The following GMDS variants were observed in gnomAD, a reference collection of about 807,000 sequenced individuals.
GMDS encodes GDP-mannose 4,6-dehydratase.
Under a neutral mutation model 49.9 loss-of-function variants are expected in GMDS, and 20 were observed. The ratio of observed to expected loss-of-function variants is 0.40; its 90% confidence interval spans 0.28 to 0.58. The LOEUF is 0.58. Ranked by LOEUF, GMDS falls within the 20% of genes least tolerant of loss-of-function variation. GMDS has a pLI of 0.42. For missense variants in GMDS, 362 were observed against 481.4 expected, an observed-to-expected ratio of 0.75 and a Z score of 2.32; for synonymous variants, 177 against 178.6, an observed-to-expected ratio of 0.99 and a Z score of 0.07.
chr6:1,860,050 A>G (rs1419135733), intron 7 of GMDS, among the ~76,000 whole-genome samples: 2 of 152,244 alleles, frequency 1.3e-5, no homozygotes, highest in East Asian at 1.9e-4. Context: ...ATTGTAGTGA[A>G]TAAGATAAAC....
intron 7 of GMDS, among the ~76,000 whole-genome samples, chr6:1,782,003 G>A (rs1373152787): frequency 6.6e-6 from 1 of 152,118 alleles, no homozygotes; most frequent in Admixed American, 6.5e-5. Flanking sequence ...ACAGCAACAG[G>A]CTGTTGTGCT....
chr6:1,634,762 A>G (rs1322550892), intron 9 of GMDS, among the ~76,000 whole-genome samples: 1 of 152,164 alleles, frequency 6.6e-6, no homozygotes, highest in Admixed American at 6.5e-5. Context: ...GGGAGAGACC[A>G]GCTAAGAGAC....
intron 1 of GMDS, among the ~76,000 whole-genome samples, chr6:2,135,070 C>T (rs552389971): frequency 6.6e-6 from 1 of 152,102 alleles, no homozygotes; most frequent in Non-Finnish European, 1.5e-5. Flanking sequence ...GAATATGAAA[C>T]CAATTTGTTT....
chr6:1,782,782 T>C (rs982856954), intron 7 of GMDS, among the ~76,000 whole-genome samples: 1 of 152,240 alleles, frequency 6.6e-6, no homozygotes, highest in Non-Finnish European at 1.5e-5. Context: ...GGCCAGGCAC[T>C]ACCCCATACT....
intron 7 of GMDS, among the ~76,000 whole-genome samples, chr6:1,878,112 G>C (rs532094342): frequency 3.3e-5 from 5 of 152,150 alleles, no homozygotes; most frequent in Admixed American, 6.5e-5. Context: ...AGGAGATCGA[G>C]ACCATCCTGG....
At chr6:2,070,608 A>G (rs1343609067) in intron 4 of GMDS, among the ~76,000 whole-genome samples, 2 of 152,154 alleles carry the variant, frequency 1.3e-5, no homozygotes, top group Non-Finnish European at 2.9e-5. Flanking sequence ...GGCATTATCA[A>G]TACTAAGACC....
Position 1,690,561 on chromosome 6 carries a change from A to C in GMDS, c.987+35855T>G, listed in dbSNP as rs187343569. Among the ~76,000 whole-genome samples, 236 of 152,234 alleles carry C rather than the reference A, an allele frequency of 1.6e-3. 1 individual carries two copies. The highest frequency in any genetic ancestry group is 5.4e-3 in the African/African-American group (223 of 41,544). Reference sequence around the variant, plus strand: ...AGTCTTATTCCTGAGTCCCCATCAGAGTGAACAGACAACCTACGGAATGGG... The same window carrying C: ...AGTCTTATTCCTGAGTCCCCATCAGCGTGAACAGACAACCTACGGAATGGG... On this transcript the variant is annotated intron_variant, in intron 9 of 10. Transcript: ENST00000380815.
chr6:1,673,935 A>T (rs1764507517), intron 9 of GMDS, among the ~76,000 whole-genome samples: 1 of 98,616 alleles, frequency 1.0e-5, no homozygotes, highest in African/African-American at 3.4e-5. Context: ...GATCCATTAG[A>T]AGGATGTCTT....
intron 6 of GMDS, chr6:1,951,891 T>A (rs1296711756): frequency 1.0e-6 from 1 of 985,216 alleles, no homozygotes; most frequent in African/African-American, 1.7e-5. Context: ...TAAGAGCAGC[T>A]GAGACATTCC....
intron 4 of GMDS, among the ~76,000 whole-genome samples, chr6:1,970,342 C>T (rs919190747): frequency 6.6e-6 from 1 of 152,180 alleles, no homozygotes; most frequent in African/African-American, 2.4e-5. Flanking sequence ...CATCATGAAC[C>T]AGTTTTTCCC....
At chr6:2,217,249 G>C (rs1780384677) in intron 1 of GMDS, among the ~76,000 whole-genome samples, 1 of 151,962 alleles carries the variant, frequency 6.6e-6, no homozygotes, top group Non-Finnish European at 1.5e-5. Context: ...CTGCTTCCTG[G>C]CCTGCCCTGC....
rs1172592005 is a variant in GMDS at position 1,970,654 on chromosome 6, G to A, written c.346-9688C>T. The stretch of plus-strand genomic sequence containing the variant: ...AGAGGTTTGAAGAGGCTACAAAAGG[G>A]AGGCCACAGGGATTAAGAAAGGCAT... On this transcript the variant is annotated intron_variant, in intron 4 of 10. Transcript: ENST00000380815. Among the ~76,000 whole-genome samples, 3 of 152,200 alleles carry A rather than the reference G, an allele frequency of 2.0e-5. No homozygotes were observed. In the East Asian group the frequency reaches 5.8e-4, roughly 29 times the overall value.
intron 6 of GMDS, among the ~76,000 whole-genome samples, chr6:1,952,900 GGA>G (rs1763426522): frequency 6.6e-6 from 1 of 152,110 alleles, no homozygotes; most frequent in African/African-American, 2.4e-5. Context: ...AGGTATCCAG[GGA>G]TGAAGCCAAT....
intron 1 of GMDS, among the ~76,000 whole-genome samples, chr6:2,209,802 T>C (rs1779985633): frequency 6.6e-6 from 1 of 152,170 alleles, no homozygotes; most frequent in African/African-American, 2.4e-5. Context: ...TTTACCACAA[T>C]GTTTAATGCT....
At chr6:2,033,489 T>A (rs1769094761) in intron 4 of GMDS, among the ~76,000 whole-genome samples, 1 of 152,232 alleles carries the variant, frequency 6.6e-6, no homozygotes, top group Non-Finnish European at 1.5e-5. Flanking sequence ...CTTCACTTTA[T>A]CACTGAACCA....
At position 1,783,198 on chromosome 6, in the gene GMDS, A is replaced by G. The variant is rs150973476; in HGVS notation, c.772-40612T>C. Among the ~76,000 whole-genome samples the G allele has an allele frequency of 5.4e-3, 826 of 152,280 alleles. 8 individuals carry two copies. The highest frequency in any genetic ancestry group is 0.019 in the African/African-American group (797 of 41,546). ...GAGAGGAGAAGGTTAAGAAACTGGTATAACTAGGGGAGTAACTGGGGAGCT... is the reference window on the plus strand; with the variant it reads ...GAGAGGAGAAGGTTAAGAAACTGGTGTAACTAGGGGAGTAACTGGGGAGCT... On this transcript the variant is annotated intron_variant, in intron 7 of 10. Coordinates refer to ENST00000380815, the MANE Select transcript of GMDS (RefSeq NM_001500.4).
At chr6:2,198,494 A>G (rs1416493405) in intron 1 of GMDS, among the ~76,000 whole-genome samples, 1 of 152,160 alleles carries the variant, frequency 6.6e-6, no homozygotes, top group African/African-American at 2.4e-5. Flanking sequence ...TTCAATGACC[A>G]AAAGGTCCAA....
intron 4 of GMDS, among the ~76,000 whole-genome samples, chr6:1,975,438 A>C (rs960283790): frequency 1.3e-4 from 20 of 152,014 alleles, no homozygotes; most frequent in Admixed American, 1.1e-3. Context: ...CATCTCCAGC[A>C]CCTCCCACCC....
At chr6:2,226,114 A>G (rs1363889718) in intron 1 of GMDS, among the ~76,000 whole-genome samples, 2 of 152,208 alleles carry the variant, frequency 1.3e-5, no homozygotes, top group Non-Finnish European at 2.9e-5. Context: ...ATTACACTAG[A>G]GGTAGTTTCT....
Sources: gnomAD v4.1 joint callset for allele counts (sites outside exome capture counted in the v4.1 genomes callset) on GRCh38, gnomAD v4.1.1 for gene constraint, MANE v1.5 for transcripts, NCBI Gene and HGNC (gene_info 2026-07-23, HGNC 2026-07-21) for gene names.